The following SDK2 variants were observed in gnomAD, a reference collection of about 807,000 sequenced individuals.
The protein encoded by SDK2 is protein sidekick-2.
Under a neutral mutation model 253.9 loss-of-function variants are expected in SDK2, and 105 were observed. The observed-to-expected ratio is 0.41, with a 90% CI of 0.35 to 0.49. SDK2 has a LOEUF of 0.49. SDK2 is among the 20% of genes least tolerant of loss of function. The pLI is 0.06. For missense variants in SDK2, 2,608 were observed against 3,003.0 expected (o/e 0.87, Z 3.07); for synonymous variants, 1,249 against 1,234.9 (o/e 1.01, Z -0.24).
chr17:73,415,905 G>A lies in SDK2; in HGVS notation c.2274C>T (p.Ile758=), dbSNP rs1463397786. 6.2e-7 allele frequency: 1 copy of A among 1,606,700 alleles called. No individual in the cohort carries two copies. The highest frequency in any genetic ancestry group is 8.5e-7 in the Non-Finnish European group (1 of 1,176,826). ...CCTCGATCTCGTAGTTGGTCCAAAT[G>A]ATGAGATCCTCCAGCAGCAGGTTGT... ...DVNNLLLEDL[I]IWTNYEIEVA... Residue 758 remains isoleucine (I), a synonymous_variant, in exon 17 of 45, where the codon ATC becomes ATT. Coordinates refer to ENST00000392650, the MANE Select transcript of SDK2 (RefSeq NM_001144952.2).
rs186099447 is a variant in SDK2 at position 73,609,426 on chromosome 17, C to T, written c.64+34599G>A. On this transcript the variant is annotated intron_variant, in intron 1 of 44. Transcript: ENST00000392650. The surrounding 1 kb of genome is among the most constrained non-coding windows in gnomAD (Gnocchi z 4.4). ...AAGAGAAGACCACGATGGACCTAGT[C>T]GCAGGGCTGAGAACCAGCCCCAGCA... 3.3e-5 allele frequency among the ~76,000 whole-genome samples: 5 copies of T among 152,218 alleles called. No homozygotes were observed. Among genetic ancestry groups the T allele is most frequent in the African/African-American group, 4.8e-5 (2 of 41,524 alleles).
At chr17:73,630,781 G>A (rs1314289991) in intron 1 of SDK2, among the ~76,000 whole-genome samples, 1 of 152,128 alleles carries the variant, frequency 6.6e-6, no homozygotes, top group Non-Finnish European at 1.5e-5. Context: ...GGCTCTGCAA[G>A]GGAGGCTGAG....
At chr17:73,363,145 G>A (rs1418401732) in intron 38 of SDK2, among the ~76,000 whole-genome samples, 2 of 152,090 alleles carry the variant, frequency 1.3e-5, no homozygotes, top group African/African-American at 4.8e-5. Flanking sequence ...GTGCAATGGC[G>A]CGATCTCAGC....
intron 1 of SDK2, among the ~76,000 whole-genome samples, chr17:73,537,437 C>T (rs1166549020): frequency 6.6e-6 from 1 of 152,182 alleles, no homozygotes; most frequent in Admixed American, 6.5e-5. Flanking sequence ...TCCCCAGCCC[C>T]CATGCTTTTA....
intron 15 of SDK2, among the ~76,000 whole-genome samples, chr17:73,420,631 C>T (rs1599549614): frequency 6.7e-6 from 1 of 150,128 alleles, no homozygotes; most frequent in East Asian, 2.0e-4. Context: ...GCACCTGGCC[C>T]GCTCCTGTGT....
intron 28 of SDK2, among the ~76,000 whole-genome samples, chr17:73,391,088 G>C (rs980465821): frequency 6.6e-6 from 1 of 152,220 alleles, no homozygotes; most frequent in Non-Finnish European, 1.5e-5. Flanking sequence ...TGTGCGCCTT[G>C]AGACTCTTTT....
intron 16 of SDK2, among the ~76,000 whole-genome samples, chr17:73,418,425 A>G (rs1473227259): frequency 1.3e-5 from 2 of 152,184 alleles, no homozygotes; most frequent in African/African-American, 2.4e-5. Flanking sequence ...GGCTGATGCC[A>G]TGGGTGCTGG....
intron 3 of SDK2, among the ~76,000 whole-genome samples, chr17:73,456,699 C>T (rs142668627): frequency 6.6e-6 from 1 of 152,304 alleles, no homozygotes; most frequent in African/African-American, 2.4e-5. Flanking sequence ...CATGCCACTG[C>T]CTTGGCAGAT....
At chr17:73,537,391 G>A (rs1316906989) in intron 1 of SDK2, among the ~76,000 whole-genome samples, 1 of 151,988 alleles carries the variant, frequency 6.6e-6, no homozygotes, top group Non-Finnish European at 1.5e-5. Flanking sequence ...CTTCTGCCCC[G>A]ACTCCAGCCT....
chr17:73,592,716 A>G lies in SDK2; in HGVS notation c.64+51309T>C, dbSNP rs184040363. ...GGCTGAGGATGCTCAGATGACGGGA[A>G]GACGGAACAGTCAGGCACACCCTGG... On this transcript the variant is annotated intron_variant, in intron 1 of 44. Coordinates refer to ENST00000392650, the MANE Select transcript of SDK2 (RefSeq NM_001144952.2). Among the ~76,000 whole-genome samples the G allele has an allele frequency of 2.7e-3, 413 of 152,330 alleles. 1 individual carries two copies. Among genetic ancestry groups the G allele is most frequent in the Non-Finnish European group, 5.1e-3 (345 of 68,022 alleles).
In SDK2 at chr17:73,368,629, A is replaced by T. The variant is rs756219787; in HGVS notation, c.4981-36T>A. On this transcript the variant is annotated intron_variant, in intron 36 of 44. Coordinates refer to ENST00000392650, the MANE Select transcript of SDK2 (RefSeq NM_001144952.2). ...AGAAGGATGTGGGAGTGAGGGGGAC[A>T]GGGGCAATGAGAGTCCCTCCTGTCC... 8 of 1,483,588 alleles carry T rather than the reference A, an allele frequency of 5.4e-6. No homozygotes were observed. In the East Asian group the frequency reaches 2.0e-4, roughly 37 times the overall value. 91.9% of individuals were successfully genotyped at this position (1,483,588 alleles called of 1,614,324 possible).
chr17:73,553,841 C>T (rs1241790632), intron 1 of SDK2, among the ~76,000 whole-genome samples: 2 of 152,140 alleles, frequency 1.3e-5, no homozygotes, highest in African/African-American at 4.8e-5. Context: ...AGATTGGATG[C>T]AGGAGTGGTG....
At chr17:73,539,309 C>T (rs1425880689) in intron 1 of SDK2, among the ~76,000 whole-genome samples, 2 of 152,138 alleles carry the variant, frequency 1.3e-5, no homozygotes, top group East Asian at 1.9e-4. Context: ...AGAAATCATT[C>T]GTCTGTCATC....
intron 24 of SDK2, among the ~76,000 whole-genome samples, chr17:73,397,677 G>A (rs1286930354): frequency 2.0e-5 from 3 of 152,198 alleles, no homozygotes; most frequent in East Asian, 1.9e-4. Context: ...CAGACCCGCC[G>A]CTTGGGAGCT....
At chr17:73,525,502 T>C (rs1359966912) in intron 1 of SDK2, among the ~76,000 whole-genome samples, 1 of 152,034 alleles carries the variant, frequency 6.6e-6, no homozygotes, top group African/African-American at 2.4e-5. Flanking sequence ...CCATGTGAGA[T>C]TGTCAATAGG....
At chr17:73,412,120 ACGTATATATGTGTATGTG>A in intron 18 of SDK2, among the ~76,000 whole-genome samples, 1 of 41,598 alleles carries the variant, frequency 2.4e-5, no homozygotes, top group African/African-American at 1.0e-4. Flanking sequence ...ATATATGTAT[ACGTATATATGTGTATGTG>A]TATATGTATA....
chr17:73,618,171 G>A lies in SDK2; in HGVS notation c.64+25854C>T, dbSNP rs1463082966. 6.6e-6 allele frequency among the ~76,000 whole-genome samples: 1 copy of A among 152,174 alleles called. No individual in the cohort carries two copies. Among genetic ancestry groups the A allele is most frequent in the African/African-American group, 2.4e-5 (1 of 41,438 alleles). On this transcript the variant is annotated intron_variant, in intron 1 of 44. Coordinates refer to ENST00000392650, the MANE Select transcript of SDK2 (RefSeq NM_001144952.2). This position sits in a 1 kb window ranked among gnomAD's most constrained non-coding sequence, Gnocchi z 4.1. ...TTCCTTACCTGCAGGTAGGGAAATG[G>A]TAATTTGCTAACCCAAACCCATTCA...
At chr17:73,451,912 A>G (rs2063492550) in intron 4 of SDK2, among the ~76,000 whole-genome samples, 1 of 152,198 alleles carries the variant, frequency 6.6e-6, no homozygotes, top group Admixed American at 6.5e-5. Flanking sequence ...CTTGGGGGAC[A>G]CAGACAGCAG....
intron 12 of SDK2, among the ~76,000 whole-genome samples, chr17:73,426,035 AT>A (rs1358418640): frequency 6.6e-6 from 1 of 151,464 alleles, no homozygotes; most frequent in Non-Finnish European, 1.5e-5. Flanking sequence ...CAGCCATCCT[AT>A]TTTTATATTT....
Sources: allele counts gnomAD v4.1 joint callset (sites outside exome capture counted in the v4.1 genomes callset), GRCh38; gene constraint gnomAD v4.1.1; non-coding constraint Gnocchi (gnomAD v3.1); transcripts MANE v1.5; gene names NCBI Gene and HGNC (gene_info 2026-07-23, HGNC 2026-07-21).